The following PLS3 variants were observed in gnomAD, a reference collection of about 807,000 sequenced individuals.
The protein encoded by PLS3 is plastin-3.
PLS3 carries 11 observed loss-of-function variants against 46.5 expected under a neutral mutation model. The ratio of observed to expected loss-of-function variants is 0.24; its 90% confidence interval spans 0.15 to 0.39. The LOEUF (loss-of-function observed/expected upper bound fraction) is 0.39, where lower values mean the gene tolerates loss of function less well. Ranked by LOEUF, PLS3 falls within the 10% of genes least tolerant of loss-of-function variation. PLS3 has a pLI of 1.00. For synonymous variants in PLS3, 167 were observed against 162.2 expected, an observed-to-expected ratio of 1.03 and a Z score of -0.22; for missense variants, 308 against 461.8, an observed-to-expected ratio of 0.67 and a Z score of 3.05.
At chrX:115,563,109 T>G (rs1007665602) in intron 1 of PLS3, among the ~76,000 whole-genome samples, 2 of 111,754 alleles carry the variant, frequency 1.8e-5, no homozygotes, top group Non-Finnish European at 3.8e-5. Flanking sequence ...ATTTTGTCCC[T>G]GAATACTAGA....
chrX:115,630,927 ACAAAATATATATG>A (rs1556639303), intron 5 of PLS3, among the ~76,000 whole-genome samples: 6 of 96,820 alleles, frequency 6.2e-5, no homozygotes, highest in African/African-American at 2.3e-4. Context: ...ATGTATATAT[ACAAAATATATATG>A]TATAATATAT....
At chrX:115,567,763 T>G (rs1343854230) in intron 1 of PLS3, among the ~76,000 whole-genome samples, 3 of 99,202 alleles carry the variant, frequency 3.0e-5, no homozygotes, top group African/African-American at 1.1e-4. Context: ...CCATTCATAC[T>G]CTGTCCAGTT....
At chrX:115,597,467 T>C (rs1007506778) in intron 1 of PLS3, among the ~76,000 whole-genome samples, 1 of 111,855 alleles carries the variant, frequency 8.9e-6, no homozygotes, top group Non-Finnish European at 1.9e-5. Flanking sequence ...ATTATAGTTA[T>C]TAGGTAGGCA....
At chrX:115,641,962 C>G (rs1040841115) in intron 9 of PLS3, among the ~76,000 whole-genome samples, 1 of 109,441 alleles carries the variant, frequency 9.1e-6, no homozygotes, top group Non-Finnish European at 1.9e-5. Flanking sequence ...CACCACCACC[C>G]AGGTGCCTTT....
At chrX:115,626,474 G>T (rs1385752197) in intron 3 of PLS3, among the ~76,000 whole-genome samples, 1 of 109,903 alleles carries the variant, frequency 9.1e-6, no homozygotes, top group East Asian at 2.9e-4. Context: ...AGTAGAGACA[G>T]AGTTTCTCCA....
intron 1 of PLS3, among the ~76,000 whole-genome samples, chrX:115,571,299 C>G (rs1207024568): frequency 2.7e-5 from 3 of 111,954 alleles, no homozygotes; most frequent in Admixed American, 9.5e-5. Flanking sequence ...GGGCAAATCA[C>G]TTCAGCTCAG....
At chrX:115,638,022 G>A (rs1043279078) in intron 8 of PLS3, among the ~76,000 whole-genome samples, 1 of 111,079 alleles carries the variant, frequency 9.0e-6, no homozygotes, top group South Asian at 3.8e-4. Context: ...ATGGCTCACT[G>A]CAGCCTTTAC....
At chrX:115,615,280 G>A (rs927580727) in intron 2 of PLS3, among the ~76,000 whole-genome samples, 3 of 110,814 alleles carry the variant, frequency 2.7e-5, no homozygotes, top group Non-Finnish European at 5.7e-5. Flanking sequence ...TGCAAGGGGA[G>A]GGAAAACATT....
At chrX:115,570,615 G>A (rs1041407496) in intron 1 of PLS3, among the ~76,000 whole-genome samples, 3 of 101,938 alleles carry the variant, frequency 2.9e-5, no homozygotes, top group Admixed American at 2.2e-4. Flanking sequence ...AGCGATCTCC[G>A]TGCCTCAGCC....
At chrX:115,639,688 C>G (rs1556640728) in intron 8 of PLS3, 4 of 329,927 alleles carry the variant, frequency 1.2e-5, no homozygotes, top group South Asian at 1.1e-4. Context: ...TGTAAAGGTT[C>G]TTAATAAGCG....
Position 115,647,897 on chromosome X carries a change from A to G in PLS3, c.1640A>G (p.Lys547Arg), listed in dbSNP as rs1298582953. The G allele has an allele frequency of 7.5e-6, 9 of 1,201,458 alleles. No individual in the cohort carries two copies. The African/African-American group carries it at 1.6e-4, about 21-fold the overall frequency. ...TTTGTTCTCCTTTCACACTAGGACA[A>G]GACGATCAGCTCCAGTTTGGCAGTT... ...KSTSIQSFKD[K>R]TISSSLAVVD... The change falls in exon 15 of 16, where the codon AAG becomes AGG. Residue 547 changes from lysine (K) to arginine (R), a missense_variant. Physicochemically the swap from Lys to Arg is conservative, Grantham distance 26 (BLOSUM62 2). Around this residue, in one of 2 missense-constraint regions of PLS3, gnomAD observed 271 missense variants for 435.7 expected, o/e 0.62. Transcript: ENST00000355899.
chrX:115,639,496 G>A (rs1659930278), intron 8 of PLS3, among the ~76,000 whole-genome samples: 1 of 111,680 alleles, frequency 9.0e-6, no homozygotes, highest in Admixed American at 9.6e-5. Flanking sequence ...TCAGGGGTTA[G>A]TATGCACATA....
At chrX:115,623,095 T>C (rs1248690011) in intron 3 of PLS3, among the ~76,000 whole-genome samples, 3 of 111,825 alleles carry the variant, frequency 2.7e-5, no homozygotes, top group Non-Finnish European at 5.6e-5. Context: ...CACATGGTTC[T>C]TCAATGCCTA....
intron 1 of PLS3, among the ~76,000 whole-genome samples, chrX:115,595,613 TATATATTGAAA>T (rs1340848126): frequency 1.8e-5 from 2 of 110,479 alleles, no homozygotes; most frequent in Non-Finnish European, 3.8e-5. Flanking sequence ...TTTTCTCTTG[TATATATTGAAA>T]ATATTGACAA....
chrX:115,628,110 G>A (rs1012730811), intron 3 of PLS3, among the ~76,000 whole-genome samples: 2 of 111,962 alleles, frequency 1.8e-5, no homozygotes, highest in African/African-American at 6.5e-5. Context: ...AGTCCTGTGC[G>A]AGACACAAGG....
At chrX:115,564,747 C>A (rs2074161968) in intron 1 of PLS3, among the ~76,000 whole-genome samples, 1 of 112,259 alleles carries the variant, frequency 8.9e-6, no homozygotes, top group Admixed American at 9.5e-5. Context: ...AATGTATAAG[C>A]TGAACTGTTT....
chrX:115,635,780 A>G (rs1010931051), intron 7 of PLS3, among the ~76,000 whole-genome samples: 12 of 109,792 alleles, frequency 1.1e-4, no homozygotes, highest in Non-Finnish European at 2.1e-4. Flanking sequence ...ACTTGAGGCC[A>G]GGAGTTGGAG....
chrX:115,606,827 C>A (rs994296268), intron 1 of PLS3, among the ~76,000 whole-genome samples: 8 of 111,377 alleles, frequency 7.2e-5, no homozygotes, highest in African/African-American at 2.3e-4. Flanking sequence ...ATTTAACTTA[C>A]GAATTTTAAA....
chrX:115,641,876 C>T, intron 9 of PLS3, among the ~76,000 whole-genome samples: 1 of 109,790 alleles, frequency 9.1e-6, no homozygotes, highest in East Asian at 2.9e-4. Context: ...TGGCACTCAC[C>T]CTACAAATCT....
Sources: allele counts gnomAD v4.1 joint callset (sites outside exome capture counted in the v4.1 genomes callset), GRCh38; gene constraint gnomAD v4.1.1; regional missense constraint gnomAD v4.1.1; transcripts MANE v1.5; gene names NCBI Gene and HGNC (gene_info 2026-07-23, HGNC 2026-07-21).